Variants in ARHGAP8 observed in about 807,000 individuals in gnomAD.
ARHGAP8 encodes Rho GTPase activating protein 8, also known as rho GTPase-activating protein 8.
ARHGAP8 carries 62 observed loss-of-function variants against 46.1 expected under a neutral mutation model. That is an observed-to-expected ratio of 1.34 (90% confidence interval 1.10 to 1.66). The LOEUF (loss-of-function observed/expected upper bound fraction) is 1.66. Ranked by LOEUF, ARHGAP8 falls within the 40% of genes most tolerant of loss-of-function variation. The pLI, the probability that ARHGAP8 is intolerant of heterozygous loss-of-function variation, is 0.00. For synonymous variants in ARHGAP8, 375 were observed against 243.1 expected, an observed-to-expected ratio of 1.54 and a Z score of -5.05; for missense variants, 923 against 568.4, an observed-to-expected ratio of 1.62 and a Z score of -6.34.
chr22:44,845,591 A>G (rs1228677358), intron 8 of ARHGAP8, among the ~76,000 whole-genome samples: 1 of 152,192 alleles, frequency 6.6e-6, no homozygotes, highest in Non-Finnish European at 1.5e-5. Flanking sequence ...TTGTCTGTCC[A>G]GTGGGGTTAA....
intron 1 of ARHGAP8, among the ~76,000 whole-genome samples, chr22:44,758,105 G>T (rs1924830109): frequency 6.6e-6 from 1 of 152,146 alleles, no homozygotes; most frequent in African/African-American, 2.4e-5. Context: ...TCTGGCTGCA[G>T]GGAGGGCAGG....
Position 44,785,734 on chromosome 22 carries a change from A to T in ARHGAP8, c.-71-723A>T, listed in dbSNP as rs1927170446. On this transcript the variant is annotated intron_variant, in intron 1 of 11. Transcript: ENST00000356099. ...TTTTGCAGCTGAAAACATTTCTCTAAGAACCCTGATTGGTTTTGCATGAGA... is the reference window on the plus strand; with the variant it reads ...TTTTGCAGCTGAAAACATTTCTCTATGAACCCTGATTGGTTTTGCATGAGA... Among the ~76,000 whole-genome samples, 3 of 152,162 alleles carry T rather than the reference A, an allele frequency of 2.0e-5. No homozygotes were observed. In the South Asian group the frequency reaches 6.2e-4, roughly 32 times the overall value.
chr22:44,847,906 T>G (rs1601517078), intron 8 of ARHGAP8, 67 bp from the exon 9 acceptor site: 1 of 1,589,334 alleles, frequency 6.3e-7, no homozygotes, highest in East Asian at 2.2e-5. Context: ...CAGGGGAGTG[T>G]CATATAATGT....
chr22:44,853,861 C>G (rs925017287), intron 10 of ARHGAP8, among the ~76,000 whole-genome samples: 6 of 151,602 alleles, frequency 4.0e-5, no homozygotes, highest in Admixed American at 2.6e-4. Flanking sequence ...AATCCCATCT[C>G]TACTAAAAAT....
chr22:44,849,121 A>G (rs896863837), intron 10 of ARHGAP8, 61 bp downstream of exon 10: 2 of 1,605,764 alleles, frequency 1.2e-6, no homozygotes, highest in African/African-American at 2.7e-5. Context: ...TCCCCCAGCT[A>G]CTGGCCCAGG....
At chr22:44,779,564 A>ACTT (rs765583206) in intron 1 of ARHGAP8, among the ~76,000 whole-genome samples, 1 of 126,268 alleles carries the variant, frequency 7.9e-6, no homozygotes, top group Non-Finnish European at 1.6e-5. Flanking sequence ...CAGTTTGAGG[A>ACTT]TTTTTTTTTT....
intron 1 of ARHGAP8, chr22:44,777,133 T>G (rs1926485202): frequency 6.6e-6 from 1 of 152,052 alleles, no homozygotes; most frequent in Admixed American, 6.6e-5. Flanking sequence ...ATCATTCCAC[T>G]CCCGTAACAC....
chr22:44,841,259 GTC>G (rs1931632123), intron 7 of ARHGAP8, among the ~76,000 whole-genome samples: 1 of 152,078 alleles, frequency 6.6e-6, no homozygotes. Context: ...GAATTGTTAA[GTC>G]TCTGTGCGAG....
At chr22:44,761,222 C>T (rs573612643) in intron 1 of ARHGAP8, among the ~76,000 whole-genome samples, 2 of 152,306 alleles carry the variant, frequency 1.3e-5, no homozygotes, top group East Asian at 3.9e-4. Flanking sequence ...ATCAGCCCTC[C>T]GTATTGGTGG....
At chr22:44,756,687 C>A (rs1924709940) in intron 1 of ARHGAP8, among the ~76,000 whole-genome samples, 1 of 150,872 alleles carries the variant, frequency 6.6e-6, no homozygotes, top group Non-Finnish European at 1.5e-5. Context: ...AGAGTAGCTC[C>A]CAGACCTCAT....
rs1162477538 is a variant in ARHGAP8, at chr22:44,838,099, A to C, written c.597-7170A>C. The stretch of plus-strand genomic sequence containing the variant: ...AATGATTCTTCTGCCTCAGCATCCC[A>C]AGTAGCTGAGATTACAGGAGTGCGC... On this transcript the variant is annotated intron_variant, in intron 7 of 11. Coordinates refer to ENST00000356099, the MANE Select transcript of ARHGAP8 (RefSeq NM_181335.3). Among the ~76,000 whole-genome samples, 4 of 151,236 alleles carry C rather than the reference A, an allele frequency of 2.6e-5. No individual in the cohort carries two copies. In the South Asian group the frequency reaches 8.3e-4, roughly 32 times the overall value.
rs891966432 is a variant in ARHGAP8, at chr22:44,805,918, C to T, written c.168-2389C>T. On this transcript the variant is annotated intron_variant, in intron 3 of 11. Coordinates refer to ENST00000356099, the MANE Select transcript of ARHGAP8 (RefSeq NM_181335.3). ...ACCCAACTAGTAATTTAGTTAATGA[C>T]TTCCTGTGCTGAGCACGCGGGCAGA... is the stretch of plus-strand genomic sequence containing the variant. Among the ~76,000 whole-genome samples, 6 of 152,318 alleles carry T rather than the reference C, an allele frequency of 3.9e-5. No individual in the cohort carries two copies. In the East Asian group the frequency reaches 1.2e-3, roughly 29 times the overall value.
intron 2 of ARHGAP8, 60 bp downstream of exon 2, chr22:44,786,666 C>T (rs1927263544): frequency 1.9e-6 from 3 of 1,556,898 alleles, no homozygotes; most frequent in South Asian, 2.4e-5. Context: ...CTCTCGGCAA[C>T]TTTGAGGCAA....
intron 2 of ARHGAP8, among the ~76,000 whole-genome samples, chr22:44,796,693 G>A (rs1051731140): frequency 2.0e-5 from 3 of 152,178 alleles, no homozygotes; most frequent in East Asian, 1.9e-4. Flanking sequence ...AGTCACAGAC[G>A]CTCTGAGTCC....
chr22:44,828,063 T>TACTGC (rs1405202546), intron 7 of ARHGAP8, among the ~76,000 whole-genome samples: 1 of 152,216 alleles, frequency 6.6e-6, no homozygotes, highest in African/African-American at 2.4e-5. Context: ...TTGACTGTCG[T>TACTGC]ACTGCACTGC....
At chr22:44,827,336 G>GTTTTTTGTTT (rs1930595413) in intron 7 of ARHGAP8, among the ~76,000 whole-genome samples, 1 of 67,258 alleles carries the variant, frequency 1.5e-5, no homozygotes, top group African/African-American at 5.9e-5. Flanking sequence ...TTGGGTGGTG[G>GTTTTTTGTTT]TTTTTTTTTT....
chr22:44,797,434 C>G (rs1453708121), intron 2 of ARHGAP8, among the ~76,000 whole-genome samples: 2 of 152,164 alleles, frequency 1.3e-5, no homozygotes, highest in Non-Finnish European at 2.9e-5. Context: ...CTGGAAAACA[C>G]TCTACTTTCA....
chr22:44,820,935 A>G (rs1293796067), intron 5 of ARHGAP8, among the ~76,000 whole-genome samples: 2 of 152,104 alleles, frequency 1.3e-5, no homozygotes, highest in East Asian at 1.9e-4. Context: ...GGATTCTCCT[A>G]CCTGTCATGA....
At chr22:44,772,533 T>G (rs1191931161) in intron 1 of ARHGAP8, among the ~76,000 whole-genome samples, 1 of 151,684 alleles carries the variant, frequency 6.6e-6, no homozygotes, top group Non-Finnish European at 1.5e-5. Flanking sequence ...AAACAAACCC[T>G]TGTTGGTCAT....
Sources: gnomAD v4.1 joint callset for allele counts (sites outside exome capture counted in the v4.1 genomes callset) on GRCh38, gnomAD v4.1.1 for gene constraint, MANE v1.5 for transcripts, NCBI Gene and HGNC (gene_info 2026-07-23, HGNC 2026-07-21) for gene names.